FGF14: variants seen among roughly 807,000 people sequenced by gnomAD.
FGF14 encodes the protein fibroblast growth factor 14, also known as fibroblast growth factor homologous factor 4.
A neutral mutation model predicts 25.5 loss-of-function variants in FGF14; 5 were observed. That is an observed-to-expected ratio of 0.20 (90% confidence interval 0.10 to 0.41). The LOEUF is 0.41. Ranked by LOEUF, FGF14 falls within the 10% of genes least tolerant of loss-of-function variation. FGF14 has a pLI of 1.00. For missense variants in FGF14, 222 were observed against 320.1 expected, an observed-to-expected ratio of 0.69 and a Z score of 2.34; for synonymous variants, 138 against 118.3, an observed-to-expected ratio of 1.17 and a Z score of -1.08.
intron 1 of FGF14, among the ~76,000 whole-genome samples, chr13:102,037,775 A>T (rs1248865698): frequency 6.6e-6 from 1 of 152,156 alleles, no homozygotes; most frequent in African/African-American, 2.4e-5. Context: ...CCAGTATCCA[A>T]GTGGATTGAG....
chr13:101,736,007 A>G (rs2036161183), intron 3 of FGF14, among the ~76,000 whole-genome samples: 1 of 152,196 alleles, frequency 6.6e-6, no homozygotes, highest in Admixed American at 6.5e-5. Context: ...CAGAGAACAA[A>G]TATACACAGT....
At chr13:102,024,175 T>A (rs1180154427) in intron 1 of FGF14, among the ~76,000 whole-genome samples, 1 of 152,074 alleles carries the variant, frequency 6.6e-6, no homozygotes, top group African/African-American at 2.4e-5. Context: ...CCTGAGTTAC[T>A]CTGTTTCACA....
intron 1 of FGF14, among the ~76,000 whole-genome samples, chr13:102,395,936 A>G (rs1350981561): frequency 6.6e-6 from 1 of 152,146 alleles, no homozygotes; most frequent in African/African-American, 2.4e-5. Flanking sequence ...TTACATTCTG[A>G]CCAAAGTAAA....
chr13:101,784,731 C>T (rs1276060657), intron 3 of FGF14, among the ~76,000 whole-genome samples: 1 of 152,102 alleles, frequency 6.6e-6, no homozygotes, highest in African/African-American at 2.4e-5. Context: ...TCATGGCTTT[C>T]CAGGGTCAGC....
chr13:101,921,675 T>C (rs1056383356), upstream of FGF14, among the ~76,000 whole-genome samples: 1 of 152,230 alleles, frequency 6.6e-6, no homozygotes, highest in Non-Finnish European at 1.5e-5. Context: ...TGTAGTGGCC[T>C]GCCATGGCTC....
chr13:102,349,648 A>C (rs2057215113), intron 1 of FGF14, among the ~76,000 whole-genome samples: 1 of 152,232 alleles, frequency 6.6e-6, no homozygotes, highest in Non-Finnish European at 1.5e-5. Flanking sequence ...TCTTTTTATC[A>C]ATAGAAACTT....
chr13:102,137,469 G>A (rs1349465278), intron 1 of FGF14, among the ~76,000 whole-genome samples: 4 of 152,110 alleles, frequency 2.6e-5, no homozygotes, highest in Non-Finnish European at 5.9e-5. Flanking sequence ...TATGCCTGAT[G>A]TGTCCCAAAT....
chr13:102,061,890 T>C (rs1358065332), intron 1 of FGF14, among the ~76,000 whole-genome samples: 1 of 152,182 alleles, frequency 6.6e-6, no homozygotes, highest in Non-Finnish European at 1.5e-5. Flanking sequence ...CTCCATGACT[T>C]TTCTGACATA....
chr13:102,235,521 C>T (rs182106979), intron 1 of FGF14, among the ~76,000 whole-genome samples: 9 of 152,208 alleles, frequency 5.9e-5, no homozygotes, highest in African/African-American at 1.7e-4. Flanking sequence ...CTGATTCGTG[C>T]GCACCTTAAC....
chr13:101,984,428 C>A (rs963341926), intron 1 of FGF14, among the ~76,000 whole-genome samples: 1 of 151,942 alleles, frequency 6.6e-6, no homozygotes, highest in African/African-American at 2.4e-5. Flanking sequence ...CTATCTAGTA[C>A]TTGATTTTCA....
chr13:102,011,891 TA>T, intron 1 of FGF14, among the ~76,000 whole-genome samples: 1 of 152,312 alleles, frequency 6.6e-6, no homozygotes, highest in Admixed American at 6.5e-5. Flanking sequence ...ACTGCTTAAC[TA>T]AAGGACAGAT....
chr13:102,304,429 A>G (rs2055256743), intron 1 of FGF14, among the ~76,000 whole-genome samples: 1 of 151,968 alleles, frequency 6.6e-6, no homozygotes, highest in Admixed American at 6.6e-5. Flanking sequence ...TCTCTATTCA[A>G]CCCTAAATAC....
intron 3 of FGF14, among the ~76,000 whole-genome samples, chr13:101,843,197 T>A (rs1307873258): frequency 6.6e-6 from 1 of 152,088 alleles, no homozygotes; most frequent in Non-Finnish European, 1.5e-5. Flanking sequence ...GATTAATGTA[T>A]CATTTTAACA....
At chr13:102,201,045 G>A (rs2049608426) in intron 1 of FGF14, among the ~76,000 whole-genome samples, 1 of 134,300 alleles carries the variant, frequency 7.4e-6, no homozygotes, top group Non-Finnish European at 1.5e-5. Flanking sequence ...GAGCTTGCTT[G>A]AGCTGAGATC....
At chr13:101,807,628 A>G (rs1247944357) in intron 3 of FGF14, among the ~76,000 whole-genome samples, 1 of 152,066 alleles carries the variant, frequency 6.6e-6, no homozygotes, top group African/African-American at 2.4e-5. Context: ...GGTAGGTACA[A>G]TTCCCTGACC....
chr13:101,971,439 T>A (rs1424293459), intron 1 of FGF14, among the ~76,000 whole-genome samples: 1 of 152,032 alleles, frequency 6.6e-6, no homozygotes, highest in Non-Finnish European at 1.5e-5. Flanking sequence ...GGCATGTTCT[T>A]GGCTCACTGC....
chr13:102,221,532 G>A (rs535906791), intron 1 of FGF14, among the ~76,000 whole-genome samples: 1 of 152,168 alleles, frequency 6.6e-6, no homozygotes, highest in Non-Finnish European at 1.5e-5. Context: ...AAAGGAGACC[G>A]CATATAATAG....
At chr13:102,206,003 A>AGC in intron 1 of FGF14, among the ~76,000 whole-genome samples, 1 of 32,572 alleles carries the variant, frequency 3.1e-5, no homozygotes, top group African/African-American at 4.1e-4. Context: ...AAAAAAAAAA[A>AGC]AAAAAAAAAA....
intron 1 of FGF14, among the ~76,000 whole-genome samples, chr13:102,322,932 G>A (rs2056300646): frequency 6.6e-6 from 1 of 151,120 alleles, no homozygotes; most frequent in Non-Finnish European, 1.5e-5. Flanking sequence ...CAAAGTATAA[G>A]CTAAAGAAAT....
Sources: allele counts gnomAD v4.1 joint callset (sites outside exome capture counted in the v4.1 genomes callset), GRCh38; gene constraint gnomAD v4.1.1; transcripts MANE v1.5; gene names NCBI Gene and HGNC (gene_info 2026-07-23, HGNC 2026-07-21).